Variants in NKAIN3 observed in about 807,000 individuals in gnomAD.
The protein encoded by NKAIN3 is sodium/potassium-transporting ATPase subunit beta-1-interacting protein 3.
Under a neutral mutation model 30.2 loss-of-function variants are expected in NKAIN3, and 25 were observed. The observed-to-expected ratio is 0.83, with a 90% CI of 0.60 to 1.16. The LOEUF (loss-of-function observed/expected upper bound fraction) is 1.16, where lower values mean the gene tolerates loss of function less well. Ranked by LOEUF, NKAIN3 falls within the 50% of genes most tolerant of loss-of-function variation. The probability of loss-of-function intolerance (pLI) is 0.00; values close to 1 mark genes in which losing one functional copy is unlikely to be tolerated. For synonymous variants in NKAIN3, 91 were observed against 89.6 expected (o/e 1.02, Z -0.09); for missense variants, 225 against 254.1 (o/e 0.89, Z 0.78).
chr8:62,267,072 G>A (rs190604476), intron 1 of NKAIN3, among the ~76,000 whole-genome samples: 3 of 152,198 alleles, frequency 2.0e-5, no homozygotes, highest in South Asian at 2.1e-4. Context: ...GTTATGGGGC[G>A]CATCTGCCCT....
chr8:62,802,489 C>G (rs568959137), intron 4 of NKAIN3, among the ~76,000 whole-genome samples: 327 of 152,168 alleles, frequency 2.1e-3, no homozygotes, highest in African/African-American at 7.5e-3. Flanking sequence ...AATTTTCAAC[C>G]CAGAATTTCA....
chr8:62,446,770 T>TCAGAAG (rs200385069), intron 1 of NKAIN3, among the ~76,000 whole-genome samples: 18,445 of 152,054 alleles, frequency 0.12, 1,337 homozygotes, highest in Non-Finnish European at 0.17. Context: ...TCTTCAAGGT[T>TCAGAAG]GTAGAATGTG....
chr8:62,662,624 T>C (rs1204751195), intron 3 of NKAIN3, among the ~76,000 whole-genome samples: 3 of 152,244 alleles, frequency 2.0e-5, no homozygotes, highest in Non-Finnish European at 4.4e-5. Flanking sequence ...GTAGTGGTAA[T>C]TTTTAAAGTT....
chr8:62,783,266 A>G (rs1040939364), intron 4 of NKAIN3, among the ~76,000 whole-genome samples: 10 of 152,120 alleles, frequency 6.6e-5, no homozygotes, highest in Admixed American at 5.2e-4. Flanking sequence ...GAATGGAATT[A>G]ATGCCCTTAT....
intron 1 of NKAIN3, among the ~76,000 whole-genome samples, chr8:62,441,122 T>C (rs527261466): frequency 6.6e-6 from 1 of 152,290 alleles, no homozygotes; most frequent in African/African-American, 2.4e-5. Flanking sequence ...TGAATATAAA[T>C]ATTCTCCAGG....
At chr8:62,745,010 T>C (rs927276763) in intron 3 of NKAIN3, among the ~76,000 whole-genome samples, 1 of 152,228 alleles carries the variant, frequency 6.6e-6, no homozygotes, top group Non-Finnish European at 1.5e-5. Context: ...CCTACTTATA[T>C]GCACTGGGAA....
intron 3 of NKAIN3, among the ~76,000 whole-genome samples, chr8:62,684,873 A>C (rs1813748947): frequency 6.6e-6 from 1 of 152,256 alleles, no homozygotes; most frequent in African/African-American, 2.4e-5. Flanking sequence ...CTACAAGACA[A>C]GTTGAGAGTT....
rs767734086 is a variant in NKAIN3, at chr8:62,982,666, A to G, written c.*17259A>G. The G allele has an allele frequency of 2.0e-5, 3 of 152,112 alleles. No individual in the cohort carries two copies. Among genetic ancestry groups the G allele is most frequent in the African/African-American group, 4.8e-5 (2 of 41,412 alleles). The allele number at this position is 152,112 out of a possible 1,614,324, so 9.4% of individuals were successfully genotyped here. ...TCTCTAGAATTTTCCCCTTTGATAA[A>G]TTTTCCTTTACCTAGCTGTTGCCAA... On this transcript the variant is annotated 3_prime_UTR_variant, in exon 7 of 7. Coordinates refer to ENST00000623646, the MANE Select transcript of NKAIN3 (RefSeq NM_001304533.3).
intron 1 of NKAIN3, among the ~76,000 whole-genome samples, chr8:62,455,289 T>C (rs1805778689): frequency 6.6e-6 from 1 of 152,130 alleles, no homozygotes; most frequent in African/African-American, 2.4e-5. Context: ...AGTGGTGGAT[T>C]GGATAAAGAA....
intron 1 of NKAIN3, among the ~76,000 whole-genome samples, chr8:62,518,349 C>G (rs1585897901): frequency 3.3e-5 from 5 of 152,174 alleles, no homozygotes; most frequent in African/African-American, 1.2e-4. Context: ...AAAATTCCAT[C>G]TCAAAAAACA....
chr8:62,606,606 T>C (rs1811140030), intron 3 of NKAIN3, among the ~76,000 whole-genome samples: 1 of 152,134 alleles, frequency 6.6e-6, no homozygotes, highest in East Asian at 1.9e-4. Context: ...GGTTGAGTTG[T>C]CTGGGGACTT....
At chr8:62,273,012 C>G (rs1812824375) in intron 1 of NKAIN3, among the ~76,000 whole-genome samples, 1 of 152,186 alleles carries the variant, frequency 6.6e-6, no homozygotes. Flanking sequence ...TCCATCACAA[C>G]TACTCAATTC....
chr8:62,327,774 C>T (rs995143895), intron 1 of NKAIN3, among the ~76,000 whole-genome samples: 1 of 151,814 alleles, frequency 6.6e-6, no homozygotes, highest in African/African-American at 2.4e-5. Context: ...TACTTCATGC[C>T]CCTGAGATTC....
intron 3 of NKAIN3, among the ~76,000 whole-genome samples, chr8:62,623,301 C>A (rs979500043): frequency 6.6e-6 from 1 of 152,052 alleles, no homozygotes; most frequent in Non-Finnish European, 1.5e-5. Context: ...GATCAGGAAA[C>A]CCTTCACTAG....
At chr8:62,388,514 A>C (rs986708049) in intron 1 of NKAIN3, among the ~76,000 whole-genome samples, 1 of 152,212 alleles carries the variant, frequency 6.6e-6, no homozygotes, top group African/African-American at 2.4e-5. Flanking sequence ...CAGAACTGCC[A>C]AGCATATGTG....
In NKAIN3 at chr8:62,488,688, A is replaced by G. The variant is rs369222651; in HGVS notation, c.55-90851A>G. On this transcript the variant is annotated intron_variant, in intron 1 of 6. Coordinates refer to ENST00000623646, the MANE Select transcript of NKAIN3 (RefSeq NM_001304533.3). ...CTCTTACTAGCCTAGAATTAGTAGAATATTATCAGTAGGAGATAACGACAT... is the reference window on the plus strand; with the variant it reads ...CTCTTACTAGCCTAGAATTAGTAGAGTATTATCAGTAGGAGATAACGACAT... Among the ~76,000 whole-genome samples, 150 of 152,334 alleles carry G rather than the reference A, an allele frequency of 9.8e-4. 3 individuals carry two copies. The South Asian group carries it at 0.03, about 30-fold the overall frequency.
chr8:62,298,405 C>A (rs1040469626), intron 1 of NKAIN3, among the ~76,000 whole-genome samples: 1 of 152,114 alleles, frequency 6.6e-6, no homozygotes, highest in African/African-American at 2.4e-5. Flanking sequence ...CTACCAACTA[C>A]TTCCCACCAT....
At chr8:62,963,231 T>A (rs1302982962) in intron 6 of NKAIN3, among the ~76,000 whole-genome samples, 3 of 152,202 alleles carry the variant, frequency 2.0e-5, no homozygotes, top group Non-Finnish European at 4.4e-5. Flanking sequence ...TAATAAAACC[T>A]AACACAGGTT....
chr8:62,674,363 A>C (rs1813406054), intron 3 of NKAIN3, among the ~76,000 whole-genome samples: 1 of 152,122 alleles, frequency 6.6e-6, no homozygotes, highest in Admixed American at 6.5e-5. Flanking sequence ...TGTAACTGTT[A>C]CCTTCTTTAT....
Sources: gnomAD v4.1 joint callset for allele counts (sites outside exome capture counted in the v4.1 genomes callset) on GRCh38, gnomAD v4.1.1 for gene constraint, MANE v1.5 for transcripts, NCBI Gene and HGNC (gene_info 2026-07-23, HGNC 2026-07-21) for gene names.